Variants in PTPRN2 observed in about 807,000 individuals in gnomAD.
The protein encoded by PTPRN2 is protein tyrosine phosphatase receptor type N2.
A neutral mutation model predicts 118.8 loss-of-function variants in PTPRN2; 74 were observed. The ratio of observed to expected loss-of-function variants is 0.62; its 90% CI spans 0.52 to 0.76. The LOEUF (loss-of-function observed/expected upper bound fraction) is 0.76. Among genes scored for constraint, PTPRN2 ranks in the 30% least tolerant of loss-of-function variants. The pLI is 0.00. For missense variants in PTPRN2, 1,481 were observed against 1,394.4 expected, an observed-to-expected ratio of 1.06 and a Z score of -0.99; for synonymous variants, 641 against 608.0, an observed-to-expected ratio of 1.05 and a Z score of -0.80.
At chr7:157,840,146 C>T (rs553520689) in intron 12 of PTPRN2, among the ~76,000 whole-genome samples, 1 of 137,486 alleles carries the variant, frequency 7.3e-6, no homozygotes, top group South Asian at 2.4e-4. Flanking sequence ...TCACTGTTAC[C>T]ACATGTGACT....
chr7:157,562,912 A>G lies in PTPRN2; in HGVS notation c.2902+5990T>C, dbSNP rs1799272927. 1.5e-5 allele frequency among the ~76,000 whole-genome samples: 2 copies of G among 131,406 alleles called. 1 individual carries two copies. Among genetic ancestry groups the G allele is most frequent in the South Asian group, 5.4e-4 (2 of 3,672 alleles). The allele number at this position is 131,406 out of a possible 152,430, so 86.2% of individuals were successfully genotyped here. A position where few individuals can be genotyped will look rare whatever the true frequency, so the allele number is the denominator to read the frequency against. On this transcript the variant is annotated intron_variant, in intron 21 of 22. Coordinates refer to ENST00000389418, the MANE Select transcript of PTPRN2 (RefSeq NM_002847.5). The stretch of plus-strand genomic sequence containing the variant: ...ACCACGTGCTCCCGCATCACCACAC[A>G]CCACAGATCAGGACCACGTGCTCCC...
rs199869526 is a variant in PTPRN2, at chr7:158,581,517, AT to A, written c.112+6040del. On this transcript the variant is annotated intron_variant, in intron 1 of 22. Transcript: ENST00000389418. Reference sequence around the variant, plus strand: ...ACAGTACACCAAAAAAGAAAAGTCCATTTTACTTTATGATAATTTAAAATTA... The same window carrying A: ...ACAGTACACCAAAAAAGAAAAGTCCATTTACTTTATGATAATTTAAAATTA... Among the ~76,000 whole-genome samples the A allele has an allele frequency of 2.8e-3, 419 of 152,268 alleles. 3 individuals carry two copies. The highest frequency in any genetic ancestry group is 9.5e-3 in the African/African-American group (396 of 41,540).
chr7:158,463,358 C>G (rs1819140305), intron 2 of PTPRN2, among the ~76,000 whole-genome samples: 1 of 151,874 alleles, frequency 6.6e-6, no homozygotes, highest in African/African-American at 2.4e-5. Flanking sequence ...CTATCATCAC[C>G]ATCACCATCA....
chr7:158,341,325 T>A, intron 2 of PTPRN2, among the ~76,000 whole-genome samples: 2 of 142,950 alleles, frequency 1.4e-5, no homozygotes, highest in Admixed American at 7.1e-5. Context: ...CCCACACACG[T>A]CACTCACACC....
rs1409868794 is a variant in PTPRN2 at position 157,953,605 on chromosome 7, G to T, written c.1724-54868C>A. 6.6e-6 allele frequency among the ~76,000 whole-genome samples: 1 copy of T among 152,106 alleles called. No homozygotes were observed. Among genetic ancestry groups the T allele is most frequent in the Non-Finnish European group, 1.5e-5 (1 of 68,014 alleles). ...TCCCTAAAGACTTCTATGACATCCT[G>T]ACACTGCCCTGCTTGGACACTCTCT... is the stretch of plus-strand genomic sequence containing the variant. On this transcript the variant is annotated intron_variant, in intron 11 of 22. Coordinates refer to ENST00000389418, the MANE Select transcript of PTPRN2 (RefSeq NM_002847.5). The surrounding 1 kb of genome is among the most constrained non-coding windows in gnomAD (Gnocchi z 4.6).
At chr7:158,523,664 C>A in intron 1 of PTPRN2, among the ~76,000 whole-genome samples, 1 of 87,988 alleles carries the variant, frequency 1.1e-5, no homozygotes, top group Admixed American at 1.5e-4. Flanking sequence ...GGAGTGGAGT[C>A]GTCTGCCCTG....
intron 11 of PTPRN2, among the ~76,000 whole-genome samples, chr7:158,010,432 G>A (rs1805960111): frequency 6.6e-6 from 1 of 152,194 alleles, no homozygotes; most frequent in Non-Finnish European, 1.5e-5. Flanking sequence ...TTCTACACTT[G>A]AAAAAGTAAG....
intron 3 of PTPRN2, among the ~76,000 whole-genome samples, chr7:158,216,497 G>T (rs941661121): frequency 2.0e-5 from 3 of 151,868 alleles, no homozygotes; most frequent in African/African-American, 7.3e-5. Flanking sequence ...ATATAGGATG[G>T]TTGAAAGTAA....
intron 8 of PTPRN2, among the ~76,000 whole-genome samples, chr7:158,134,679 T>C (rs775954259): frequency 2.6e-5 from 4 of 152,166 alleles, no homozygotes; most frequent in Admixed American, 6.5e-5. Flanking sequence ...GAGGGATCTG[T>C]GGTCCTCACA....
At position 158,547,569 on chromosome 7, in the gene PTPRN2, T is replaced by C. The variant is rs142431132; in HGVS notation, c.112+39989A>G. The stretch of plus-strand genomic sequence containing the variant: ...CAGAGGTCAGGGCTCTTTGCGTCTA[T>C]TTTTAAATAAAACACCAGCTCTGGC... On this transcript the variant is annotated intron_variant, in intron 1 of 22. Coordinates refer to ENST00000389418, the MANE Select transcript of PTPRN2 (RefSeq NM_002847.5). 3.7e-3 allele frequency among the ~76,000 whole-genome samples: 564 copies of C among 152,342 alleles called. 6 individuals are homozygous for C. The highest frequency in any genetic ancestry group is 9.0e-3 in the African/African-American group (376 of 41,590).
At position 157,739,596 on chromosome 7, in the gene PTPRN2, G is replaced by C. The variant is rs975170256; in HGVS notation, c.1789-56659C>G. On this transcript the variant is annotated intron_variant, in intron 12 of 22. Coordinates refer to ENST00000389418, the MANE Select transcript of PTPRN2 (RefSeq NM_002847.5). ...AGGCAGAGTGACACCTGTGCCTTCA[G>C]CTGCCCCGAGGTCAACTCAATGCCA... 11 of 152,378 alleles carry C rather than the reference G, an allele frequency of 7.2e-5. No homozygotes were observed. The East Asian group carries it at 2.1e-3, about 29-fold the overall frequency. 9.4% of individuals were successfully genotyped at this position (152,378 alleles called of 1,614,324 possible). A position where few individuals can be genotyped will look rare whatever the true frequency, so the allele number is the denominator to read the frequency against.
At chr7:157,925,459 C>T (rs535058860) in intron 11 of PTPRN2, among the ~76,000 whole-genome samples, 6 of 152,372 alleles carry the variant, frequency 3.9e-5, no homozygotes, top group Admixed American at 1.3e-4. Flanking sequence ...GTCCAAATCA[C>T]GGCTGTCACA....
intron 2 of PTPRN2, among the ~76,000 whole-genome samples, chr7:158,473,068 G>C (rs929606197): frequency 6.6e-6 from 1 of 152,020 alleles, no homozygotes; most frequent in Non-Finnish European, 1.5e-5. Flanking sequence ...CGTTTGGTTC[G>C]ATATTTCTGC....
At position 158,570,701 on chromosome 7, in the gene PTPRN2, G is replaced by C. The variant is rs1336860039; in HGVS notation, c.112+16857C>G. On this transcript the variant is annotated intron_variant, in intron 1 of 22. Coordinates refer to ENST00000389418, the MANE Select transcript of PTPRN2 (RefSeq NM_002847.5). This position sits in a 1 kb window ranked among gnomAD's most constrained non-coding sequence, Gnocchi z 4.5. Reference sequence around the variant, plus strand: ...CCGGCTCAGCACGCGGCTGGGTACGGTTTGCAACGCCGAGAGCCCGCGGAG... The same window carrying C: ...CCGGCTCAGCACGCGGCTGGGTACGCTTTGCAACGCCGAGAGCCCGCGGAG... Among the ~76,000 whole-genome samples the C allele has an allele frequency of 6.6e-6, 1 of 152,246 alleles. No individual in the cohort carries two copies. Among genetic ancestry groups the C allele is most frequent in the Admixed American group, 6.5e-5 (1 of 15,284 alleles).
chr7:157,894,088 T>TATAA (rs1796967441), intron 12 of PTPRN2, among the ~76,000 whole-genome samples: 1 of 152,158 alleles, frequency 6.6e-6, no homozygotes, highest in Non-Finnish European at 1.5e-5. Context: ...GCCTGACGCA[T>TATAA]ATAAATACCT....
intron 11 of PTPRN2, among the ~76,000 whole-genome samples, chr7:157,957,647 CAAGA>C (rs1801270229): frequency 6.6e-6 from 1 of 151,984 alleles, no homozygotes; most frequent in African/African-American, 2.4e-5. Flanking sequence ...CAGGATAACA[CAAGA>C]AATGGGAAAA....
At chr7:158,446,942 C>T (rs1340703980) in intron 2 of PTPRN2, among the ~76,000 whole-genome samples, 5 of 152,120 alleles carry the variant, frequency 3.3e-5, no homozygotes, top group South Asian at 2.1e-4. Context: ...CCGTCACTTT[C>T]GAGGGTCATC....
At chr7:158,376,287 C>A (rs982346943) in intron 2 of PTPRN2, among the ~76,000 whole-genome samples, 3 of 151,674 alleles carry the variant, frequency 2.0e-5, no homozygotes, top group South Asian at 4.1e-4. Flanking sequence ...CCCTGTCACA[C>A]GTCCTGAGAG....
intron 12 of PTPRN2, among the ~76,000 whole-genome samples, chr7:157,776,383 TCTCCTCCTCCTCCATCTC>T (rs755770750): frequency 0.12 from 5,852 of 49,312 alleles, 359 homozygotes; most frequent in Middle Eastern, 0.17. Context: ...TCTTCCTCAC[TCTCCTCCTCCTCCATCTC>T]CTCCTCCTCC....
Sources: allele counts gnomAD v4.1 joint callset (sites outside exome capture counted in the v4.1 genomes callset), GRCh38; gene constraint gnomAD v4.1.1; non-coding constraint Gnocchi (gnomAD v3.1); transcripts MANE v1.5; gene names NCBI Gene and HGNC (gene_info 2026-07-23, HGNC 2026-07-21).